Variants in PEX1 observed in about 807,000 individuals in gnomAD.
PEX1 encodes the protein peroxisomal biogenesis factor 1.
PEX1 carries 97 observed loss-of-function variants against 152.5 expected under a neutral mutation model. The ratio of observed to expected loss-of-function variants is 0.64; its 90% CI spans 0.54 to 0.75. The LOEUF (loss-of-function observed/expected upper bound fraction) is 0.75, where lower values mean the gene tolerates loss of function less well. Among genes scored for constraint, PEX1 ranks in the 30% least tolerant of loss-of-function variants. The probability of loss-of-function intolerance (pLI) is 0.00; values close to 1 mark genes in which losing one functional copy is unlikely to be tolerated. For missense variants in PEX1, 1,357 were observed against 1,516.3 expected, an observed-to-expected ratio of 0.89 and a Z score of 1.74; for synonymous variants, 485 against 531.6, an observed-to-expected ratio of 0.91 and a Z score of 1.21.
intron 19 of PEX1, 131 bp from the exon 20 acceptor site, chr7:92,493,260 T>C (rs1791453036): frequency 1.8e-6 from 1 of 555,478 alleles, no homozygotes; most frequent in South Asian, 2.9e-5. Context: ...AGTTGAGAAA[T>C]GTACCAACAG....
rs752567205 is a variant in PEX1, at chr7:92,517,667, A to G, written c.848T>C (p.Leu283Pro). 6.2e-7 allele frequency: 1 copy of G among 1,614,026 alleles called. No individual in the cohort carries two copies. Among genetic ancestry groups the G allele is most frequent in the South Asian group, 1.1e-5 (1 of 91,078 alleles). ...TTTGCATACTCTGAAAATATTGTCT[A>G]GAGGAACAACCTTTGACTGCATATT... ...FKNMQSKVVP[L>P]DNIFRVCKSQ... The change falls in exon 5 of 24, where the codon CTA (leucine) becomes CCA (proline). Residue 283 changes from leucine (L) to proline (P), a missense_variant. Physicochemically the swap from Leu to Pro is moderately conservative, Grantham distance 98. Coordinates refer to ENST00000248633, the MANE Select transcript of PEX1 (RefSeq NM_000466.3).
chr7:92,517,674 C>T lies in PEX1; in HGVS notation c.841G>A (p.Val281Ile). ...NAFKNMQSKV[V>I]PLDNIFRVCK... ...ACTCTGAAAATATTGTCTAGAGGAA[C>T]AACCTTTGACTGCATATTTTTGAAT... Residue 281 changes from valine to isoleucine, a missense_variant, in exon 5 of 24, where the codon GTT becomes ATT. By Grantham distance (29) the Val-to-Ile change is conservative. Transcript: ENST00000248633. 6.2e-7 allele frequency: 1 copy of T among 1,613,860 alleles called. No homozygotes were observed. The highest frequency in any genetic ancestry group is 8.5e-7 in the Non-Finnish European group (1 of 1,179,936).
At chr7:92,510,161 G>A (rs1792392373) in intron 8 of PEX1, among the ~76,000 whole-genome samples, 2 of 113,970 alleles carry the variant, frequency 1.8e-5, no homozygotes, top group Admixed American at 9.4e-5. Context: ...AAAAAAAGAT[G>A]ACTCTTAAAA....
chr7:92,500,992 A>T (rs1213232307), intron 15 of PEX1, among the ~76,000 whole-genome samples: 1 of 152,214 alleles, frequency 6.6e-6, no homozygotes, highest in East Asian at 1.9e-4. Context: ...CAGACAGTTC[A>T]TCTTGCTTTA....
chr7:92,519,961 C>A lies in PEX1; in HGVS notation c.274-883G>T, dbSNP rs1005511575. On this transcript the variant is annotated intron_variant, in intron 2 of 23. Transcript: ENST00000248633. The stretch of plus-strand genomic sequence containing the variant: ...GAGCAGGATTTCCCTGAGTGCCTCA[C>A]CCCCAGACTCCTCAGTAGATTTCTC... Among the ~76,000 whole-genome samples the A allele has an allele frequency of 3.9e-5, 6 of 152,048 alleles. No individual in the cohort carries two copies. In the South Asian group the frequency reaches 1.0e-3, roughly 26 times the overall value.
At position 92,511,707 on chromosome 7, in the gene PEX1, C is replaced by T. The variant is rs199716270; in HGVS notation, c.1360-4G>A. 1 of 1,609,772 alleles carries T rather than the reference C, an allele frequency of 6.2e-7. No individual in the cohort carries two copies. Among genetic ancestry groups the T allele is most frequent in the Non-Finnish European group, 8.5e-7 (1 of 1,178,002 alleles). The stretch of plus-strand genomic sequence containing the variant: ...CTTCTTCACTTATGTCTTTAGGCTG[C>T]CAGAAAAAGGAATAGTAATGAATTA... On this transcript the variant is annotated splice_region_variant and splice_polypyrimidine_tract_variant and intron_variant, in intron 6 of 23. Coordinates refer to ENST00000248633, the MANE Select transcript of PEX1 (RefSeq NM_000466.3).
Position 92,487,394 on chromosome 7 carries a change from T to C in PEX1, c.*63A>G. 1.2e-6 allele frequency: 1 copy of C among 848,914 alleles called. No individual in the cohort carries two copies. Among genetic ancestry groups the C allele is most frequent in the Non-Finnish European group, 2.0e-6 (1 of 512,436 alleles). 52.6% of individuals were successfully genotyped at this position (848,914 alleles called of 1,614,324 possible). A position where few individuals can be genotyped will look rare whatever the true frequency, so the allele number is the denominator to read the frequency against. ...AAATTCATAGACACCATTTTTTTCCTGTTACAACATATGGAAAAGCCATCA... is the reference window on the plus strand; with the variant it reads ...AAATTCATAGACACCATTTTTTTCCCGTTACAACATATGGAAAAGCCATCA... On this transcript the variant is annotated 3_prime_UTR_variant, in exon 24 of 24. Transcript: ENST00000248633.
intron 17 of PEX1, among the ~76,000 whole-genome samples, chr7:92,496,155 A>G (rs1308937423): frequency 6.6e-6 from 1 of 152,048 alleles, no homozygotes; most frequent in East Asian, 1.9e-4. Context: ...TATTCTCTTA[A>G]CTGTATACTT....
intron 23 of PEX1, among the ~76,000 whole-genome samples, chr7:92,488,372 C>A (rs1201376548): frequency 1.3e-5 from 2 of 152,118 alleles, no homozygotes; most frequent in Non-Finnish European, 2.9e-5. Flanking sequence ...TACATACATA[C>A]TTCAAAGTAC....
intron 17 of PEX1, among the ~76,000 whole-genome samples, 171 bp from the exon 18 acceptor site, chr7:92,494,800 AATAC>A (rs1333539231): frequency 6.6e-6 from 1 of 151,178 alleles, no homozygotes; most frequent in Non-Finnish European, 1.5e-5. Flanking sequence ...ATTACATATA[AATAC>A]ATATAAATGT....
chr7:92,513,848 T>A lies in PEX1; in HGVS notation c.1359A>T (p.Leu453Phe). ...RSLKLQPREN[L>F]PKDISEEDIK... ...ATGTAACATATATATTTGAACTCAC[T>A]AAATTCTCTCTAGGTTGTAACTTTA... is the stretch of plus-strand genomic sequence containing the variant. The change falls in exon 6 of 24, where the codon TTA becomes TTT. Residue 453 changes from leucine to phenylalanine, a missense_variant and splice_region_variant. Transcript: ENST00000248633. 1 of 1,597,290 alleles carries A rather than the reference T, an allele frequency of 6.3e-7. No individual in the cohort carries two copies. Among genetic ancestry groups the A allele is most frequent in the Non-Finnish European group, 8.6e-7 (1 of 1,165,808 alleles).
intron 16 of PEX1, among the ~76,000 whole-genome samples, chr7:92,497,940 C>T (rs574443518): frequency 7.3e-5 from 11 of 151,226 alleles, no homozygotes; most frequent in African/African-American, 2.4e-4. Context: ...CGGTGGCAGG[C>T]GCCTGTAATC....
rs1585211025 is a variant in PEX1, at chr7:92,489,775, T to C, written c.3575A>G (p.Gln1192Arg). ...GATATCTGCCCTCAGTTGATCTCTTTGTTCTTGTGTAAGTTCTTGGCAACC... is the reference window on the plus strand; with the variant it reads ...GATATCTGCCCTCAGTTGATCTCTTCGTTCTTGTGTAAGTTCTTGGCAACC... The part of the protein sequence containing the change: ...QEGCQELTQE[Q>R]RDQLRADISI... Residue 1192 changes from glutamine (Q) to arginine (R), a missense_variant, in exon 22 of 24, where the codon CAA (glutamine) becomes CGA (arginine). By Grantham distance (43) the Gln-to-Arg change is conservative. Coordinates refer to ENST00000248633, the MANE Select transcript of PEX1 (RefSeq NM_000466.3). 7 of 1,614,172 alleles carry C rather than the reference T, an allele frequency of 4.3e-6. No individual in the cohort carries two copies. The highest frequency in any genetic ancestry group is 5.9e-6 in the Non-Finnish European group (7 of 1,180,024).
chr7:92,501,760 T>G (rs931834646), intron 14 of PEX1, 87 bp from the exon 15 acceptor site: 14 of 1,376,924 alleles, frequency 1.0e-5, no homozygotes, highest in Non-Finnish European at 1.4e-5. Context: ...CTGGAAACAC[T>G]AATTTTCTAC....
chr7:92,514,359 T>C (rs1177234179), intron 5 of PEX1, among the ~76,000 whole-genome samples: 1 of 152,218 alleles, frequency 6.6e-6, no homozygotes, highest in African/African-American at 2.4e-5. Context: ...TGTTCAGATA[T>C]TGTTATACCA....
rs765535978 is a variant in PEX1 at position 92,491,471 on chromosome 7, C to A, written c.3239G>T (p.Ser1080Ile). Residue 1080 changes from serine (S) to isoleucine (I), a missense_variant, in exon 21 of 24, where the codon AGT becomes ATT. By Grantham distance (142) the Ser-to-Ile change is moderately radical. Coordinates refer to ENST00000248633, the MANE Select transcript of PEX1 (RefSeq NM_000466.3). ...GTTAAGAAAGACCATTGAAGACAGACTTAGGTCACTATCAGAGCTGGAACT... is the reference window on the plus strand; with the variant it reads ...GTTAAGAAAGACCATTGAAGACAGAATTAGGTCACTATCAGAGCTGGAACT... The part of the protein sequence containing the change: ...DGSSSSDSDL[S>I]LSSMVFLNHS... 2.5e-6 allele frequency: 4 copies of A among 1,612,662 alleles called. No individual in the cohort carries two copies. Among genetic ancestry groups the A allele is most frequent in the Non-Finnish European group, 3.4e-6 (4 of 1,178,784 alleles).
At chr7:92,491,938 G>A (rs1791352480) in intron 20 of PEX1, among the ~76,000 whole-genome samples, 1 of 152,130 alleles carries the variant, frequency 6.6e-6, no homozygotes, top group South Asian at 2.1e-4. Context: ...AAAACCTAGG[G>A]AGTTTCTGAT....
Position 92,518,886 on chromosome 7 carries a change from A to G in PEX1, c.357+109T>C, listed in dbSNP as rs1792927037. 1.0e-5 allele frequency: 9 copies of G among 876,394 alleles called. No individual in the cohort carries two copies. In the South Asian group the frequency reaches 1.1e-4, roughly 11 times the overall value. The allele number at this position is 876,394 out of a possible 1,614,324, so 54.3% of individuals were successfully genotyped here. A position where few individuals can be genotyped will look rare whatever the true frequency, so the allele number is the denominator to read the frequency against. ...TGCCTGGCCCCAATTCATTCTTATA[A>G]TTCAAAACCAACTCAGAATATATAA... On this transcript the variant is annotated intron_variant, in intron 3 of 23. Coordinates refer to ENST00000248633, the MANE Select transcript of PEX1 (RefSeq NM_000466.3).
Position 92,501,625 on chromosome 7 carries a change from A to C in PEX1, c.2465T>G (p.Leu822Arg), listed in dbSNP as rs545731416. Residue 822 changes from leucine to arginine, a missense_variant, in exon 15 of 24, where the codon CTT becomes CGT. By Grantham distance (102) the Leu-to-Arg change is moderately radical. Coordinates refer to ENST00000248633, the MANE Select transcript of PEX1 (RefSeq NM_000466.3). Reference protein sequence around the residue: ...LDFQKALRGFLPASLRSVNLH... With the variant: ...LDFQKALRGFRPASLRSVNLH... ...GTTGACACTTCGCAAAGACGCAGGA[A>C]GAAATCCGCGGAGAGCCTTTTGGAA... 20 of 1,613,910 alleles carry C rather than the reference A, an allele frequency of 1.2e-5. No homozygotes were observed. In the African/African-American group the frequency reaches 2.7e-4, roughly 22 times the overall value.
Sources: allele counts gnomAD v4.1 joint callset (sites outside exome capture counted in the v4.1 genomes callset), GRCh38; gene constraint gnomAD v4.1.1; transcripts MANE v1.5; gene names NCBI Gene and HGNC (gene_info 2026-07-23, HGNC 2026-07-21).